The following CCDC14 variants were observed in gnomAD, a reference collection of about 807,000 sequenced individuals.
CCDC14 encodes the protein coiled-coil domain-containing protein 14.
Under a neutral mutation model 81.4 loss-of-function variants are expected in CCDC14, and 71 were observed. The observed-to-expected ratio is 0.87, with a 90% CI of 0.72 to 1.06. CCDC14 has a LOEUF of 1.06. Ranked by LOEUF, CCDC14 falls within the 50% of genes least tolerant of loss-of-function variation. The pLI, the probability that CCDC14 is intolerant of heterozygous loss-of-function variation, is 0.00. For missense variants in CCDC14, 1,046 were observed against 1,047.3 expected (o/e 1.00, Z 0.02); for synonymous variants, 332 against 364.8 (o/e 0.91, Z 1.03).
intron 5 of CCDC14, among the ~76,000 whole-genome samples, chr3:123,950,580 A>G (rs1015734412): frequency 6.6e-6 from 1 of 152,170 alleles, no homozygotes; most frequent in Non-Finnish European, 1.5e-5. Flanking sequence ...CAAACAGGTA[A>G]AAGTCACAAA....
chr3:123,948,855 A>G (rs1348870978), intron 6 of CCDC14, 41 bp downstream of exon 6: 3 of 1,589,088 alleles, frequency 1.9e-6, no homozygotes, highest in Non-Finnish European at 2.6e-6. Flanking sequence ...CAATTTAATT[A>G]GAACTTACAC....
In CCDC14 at chr3:123,931,531, T is replaced by A; in HGVS notation, c.1427-5A>T. 1 of 1,486,122 alleles carries A rather than the reference T, an allele frequency of 6.7e-7. No individual in the cohort carries two copies. The highest frequency in any genetic ancestry group is 9.1e-7 in the Non-Finnish European group (1 of 1,096,758). 92.1% of individuals were successfully genotyped at this position (1,486,122 alleles called of 1,614,324 possible). A position where few individuals can be genotyped will look rare whatever the true frequency, so the allele number is the denominator to read the frequency against. ...TCAATGACTGAAGAGAAAACACTGT[T>A]AAGACAAAATGGATCAAATAGTTGT... On this transcript the variant is annotated splice_region_variant and splice_polypyrimidine_tract_variant and intron_variant, in intron 10 of 12. Coordinates refer to ENST00000409697, the MANE Select transcript of CCDC14 (RefSeq NM_001366335.1).
downstream of CCDC14, among the ~76,000 whole-genome samples, chr3:123,912,129 A>G (rs1360781143): frequency 6.6e-6 from 1 of 152,198 alleles, no homozygotes; most frequent in Non-Finnish European, 1.5e-5. Context: ...CAAAGACCGT[A>G]AAATAGTGAC....
chr3:123,901,897 C>A (rs2034186294), intron 5 of CCDC14, among the ~76,000 whole-genome samples: 1 of 151,998 alleles, frequency 6.6e-6, no homozygotes, highest in South Asian at 2.1e-4. Context: ...AAAGGCCCAA[C>A]AAACATATGA....
At chr3:123,919,702 A>G (rs1262412111) in intron 12 of CCDC14, among the ~76,000 whole-genome samples, 6 of 152,212 alleles carry the variant, frequency 3.9e-5, no homozygotes, top group Admixed American at 3.3e-4. Context: ...CTGCCTGCCT[A>G]TAGTCACTAC....
intron 1 of CCDC14, chr3:123,958,274 G>C (rs1483859092): frequency 5.3e-5 from 8 of 151,960 alleles, no homozygotes; most frequent in African/African-American, 1.9e-4. Flanking sequence ...CCTGGATCGA[G>C]TCCAAAAACA....
intron 12 of CCDC14, among the ~76,000 whole-genome samples, chr3:123,927,505 G>A (rs2035438956): frequency 6.6e-6 from 1 of 152,132 alleles, no homozygotes; most frequent in South Asian, 2.1e-4. Flanking sequence ...TAGGGATAGT[G>A]CTAAACTCTA....
downstream of CCDC14, among the ~76,000 whole-genome samples, chr3:123,911,566 T>C (rs549858645): frequency 2.6e-5 from 4 of 152,282 alleles, no homozygotes; most frequent in East Asian, 7.7e-4. Context: ...CACTCTTTTT[T>C]CCCTTACCCT....
chr3:123,911,308 T>C (rs1431570010), downstream of CCDC14, among the ~76,000 whole-genome samples: 1 of 152,226 alleles, frequency 6.6e-6, no homozygotes, highest in Non-Finnish European at 1.5e-5. Context: ...GTAATATTAA[T>C]ACATCCAGAA....
chr3:123,960,491 C>T (rs2037618327), intron 1 of CCDC14, among the ~76,000 whole-genome samples: 1 of 152,184 alleles, frequency 6.6e-6, no homozygotes, highest in African/African-American at 2.4e-5. Flanking sequence ...CCCTCGATTT[C>T]CTCATATATA....
Position 123,956,725 on chromosome 3 carries a change from T to C in CCDC14, c.86+15A>G. On this transcript the variant is annotated intron_variant, in intron 2 of 12. Coordinates refer to ENST00000409697, the MANE Select transcript of CCDC14 (RefSeq NM_001366335.1). Reference sequence around the variant, plus strand: ...TCCTTGAAATCTGAAGTTGTAAACGTCTTCAAGTACTTACGCTTTCTTTCC... The same window carrying C: ...TCCTTGAAATCTGAAGTTGTAAACGCCTTCAAGTACTTACGCTTTCTTTCC... 6.5e-7 allele frequency: 1 copy of C among 1,541,250 alleles called. No individual in the cohort carries two copies. The highest frequency in any genetic ancestry group is 8.8e-7 in the Non-Finnish European group (1 of 1,139,202).
chr3:123,938,095 A>G (rs919631025), intron 9 of CCDC14, among the ~76,000 whole-genome samples: 3 of 151,780 alleles, frequency 2.0e-5, no homozygotes, highest in Non-Finnish European at 2.9e-5. Flanking sequence ...TCCTTTCTCA[A>G]TACTGTTTTG....
In CCDC14 at chr3:123,917,446, GATCA is replaced by G. The variant is rs1184475033; in HGVS notation, c.1779-1732_1779-1729del. ...GGAGGCAGAGGGTGCAGTAAGCCAA[GATCA>G]CTCCACCGCACTCCAGCCTGGGCAA... On this transcript the variant is annotated intron_variant, in intron 12 of 12. Transcript: ENST00000409697. Among the ~76,000 whole-genome samples the G allele has an allele frequency of 6.6e-5, 10 of 150,638 alleles. 1 individual carries two copies. The highest frequency in any genetic ancestry group is 1.5e-5 in the Non-Finnish European group (1 of 67,682).
At chr3:123,886,009 T>G in the CCDC14 span, among the ~76,000 whole-genome samples, 1 of 152,186 alleles carries the variant, frequency 6.6e-6, no homozygotes, top group Non-Finnish European at 1.5e-5. Flanking sequence ...TTTAATATCA[T>G]TATAAATTCA....
chr3:123,887,968 T>C, the CCDC14 span, among the ~76,000 whole-genome samples: 1 of 152,112 alleles, frequency 6.6e-6, no homozygotes, highest in Non-Finnish European at 1.5e-5. Flanking sequence ...CCTTTTTACC[T>C]TATTTTCTTT....
chr3:123,896,311 C>T (rs1001099304), downstream of CCDC14, among the ~76,000 whole-genome samples: 2 of 152,168 alleles, frequency 1.3e-5, no homozygotes, highest in African/African-American at 4.8e-5. Context: ...AAGGCTCTCA[C>T]CAGATGAAGC....
intron 12 of CCDC14, among the ~76,000 whole-genome samples, chr3:123,919,272 G>A (rs1237330907): frequency 6.6e-6 from 1 of 152,174 alleles, no homozygotes; most frequent in Non-Finnish European, 1.5e-5. Flanking sequence ...AACTGGCCCT[G>A]CTCAACCTTA....
At chr3:123,905,336 G>GCACA (rs1290858676) in intron 5 of CCDC14, among the ~76,000 whole-genome samples, 1 of 152,142 alleles carries the variant, frequency 6.6e-6, no homozygotes, top group Non-Finnish European at 1.5e-5. Context: ...TCTTCTCCCC[G>GCACA]CACATTGTTC....
At chr3:123,921,060 A>C (rs1030000477) in intron 12 of CCDC14, among the ~76,000 whole-genome samples, 3 of 152,344 alleles carry the variant, frequency 2.0e-5, no homozygotes, top group African/African-American at 7.2e-5. Context: ...ATTTGCACAA[A>C]ACATGAAAAG....
Sources: gnomAD v4.1 joint callset for allele counts (sites outside exome capture counted in the v4.1 genomes callset) on GRCh38, gnomAD v4.1.1 for gene constraint, MANE v1.5 for transcripts, NCBI Gene and HGNC (gene_info 2026-07-23, HGNC 2026-07-21) for gene names.